Variants in MRTFA observed in about 807,000 individuals in gnomAD.
The protein encoded by MRTFA is myocardin-related transcription factor A.
A neutral mutation model predicts 83.5 loss-of-function variants in MRTFA; 20 were observed. The ratio of observed to expected loss-of-function variants is 0.24; its 90% CI spans 0.17 to 0.35. The LOEUF is 0.35. Among genes scored for constraint, MRTFA ranks in the 10% least tolerant of loss-of-function variants. The probability of loss-of-function intolerance (pLI) is 1.00; values close to 1 mark genes in which losing one functional copy is unlikely to be tolerated. For synonymous variants in MRTFA, 659 were observed against 541.2 expected (o/e 1.22, Z -3.02); for missense variants, 1,200 against 1,224.7 (o/e 0.98, Z 0.30).
intron 4 of MRTFA, among the ~76,000 whole-genome samples, chr22:40,447,736 G>A (rs979238050): frequency 2.6e-5 from 4 of 152,188 alleles, no homozygotes; most frequent in African/African-American, 9.7e-5. Flanking sequence ...CCTCACTTCA[G>A]CTTCTCAGTA....
At chr22:40,570,102 G>A (rs1471545230) in intron 2 of MRTFA, among the ~76,000 whole-genome samples, 3 of 152,100 alleles carry the variant, frequency 2.0e-5, no homozygotes, top group Non-Finnish European at 4.4e-5. Context: ...GGAGGTTGTT[G>A]CCCAATATCC....
In MRTFA at chr22:40,411,238, TTC is replaced by T; in HGVS notation, c.*150_*151del. 2 of 816,484 alleles carry T rather than the reference TTC, an allele frequency of 2.4e-6. No individual in the cohort carries two copies. Among genetic ancestry groups the T allele is most frequent in the Non-Finnish European group, 3.7e-6 (2 of 543,404 alleles). The allele number at this position is 816,484 out of a possible 1,614,324, so 50.6% of individuals were successfully genotyped here. Reference sequence around the variant, plus strand: ...GTGGCACTGAACCAGGAGTAAGGGCTTCTCTGTTCTAGCCTCCCAGGGAAGGG... The same window carrying T: ...GTGGCACTGAACCAGGAGTAAGGGCTTCTGTTCTAGCCTCCCAGGGAAGGG... On this transcript the variant is annotated 3_prime_UTR_variant, in exon 15 of 15. Coordinates refer to ENST00000355630, the MANE Select transcript of MRTFA (RefSeq NM_020831.6).
intron 1 of MRTFA, 139 bp from the exon 2 acceptor site, chr22:40,594,874 T>A (rs2056168451): frequency 1.3e-5 from 2 of 148,568 alleles, no homozygotes; most frequent in Non-Finnish European, 1.5e-5. Context: ...GTGTTAAGAG[T>A]TCTGTCACTG....
chr22:40,542,828 A>T (rs2055311398), intron 3 of MRTFA, among the ~76,000 whole-genome samples: 1 of 152,210 alleles, frequency 6.6e-6, no homozygotes, highest in Non-Finnish European at 1.5e-5. Context: ...GGTCTGTAGT[A>T]TTAGCTCAGT....
intron 3 of MRTFA, chr22:40,522,499 T>C (rs2054887228): frequency 6.6e-6 from 1 of 152,274 alleles, no homozygotes; most frequent in Non-Finnish European, 1.5e-5. Flanking sequence ...GTGTTGGATT[T>C]ACTCTCACTC....
At chr22:40,590,017 G>A (rs1348880107) in intron 2 of MRTFA, among the ~76,000 whole-genome samples, 4 of 141,312 alleles carry the variant, frequency 2.8e-5, no homozygotes, top group South Asian at 2.3e-4. Context: ...GCGAGACTCC[G>A]TCTCGAAAAA....
intron 3 of MRTFA, among the ~76,000 whole-genome samples, chr22:40,541,268 C>G (rs569843383): frequency 6.6e-6 from 1 of 152,220 alleles, no homozygotes; most frequent in Admixed American, 6.5e-5. Context: ...TACACAAAAG[C>G]AACAAATGTA....
intron 12 of MRTFA, 85 bp downstream of exon 12, chr22:40,418,289 G>C: frequency 6.5e-7 from 1 of 1,533,452 alleles, no homozygotes; most frequent in Non-Finnish European, 8.7e-7. Flanking sequence ...CCAGCACGAG[G>C]GGTCCCCTGG....
At chr22:40,602,819 C>T (rs138512644) in intron 1 of MRTFA, among the ~76,000 whole-genome samples, 1 of 152,128 alleles carries the variant, frequency 6.6e-6, no homozygotes, top group Non-Finnish European at 1.5e-5. Context: ...TGCACTCCAG[C>T]CTGGGTGACA....
intron 2 of MRTFA, among the ~76,000 whole-genome samples, chr22:40,582,815 T>G (rs2055969904): frequency 6.6e-6 from 1 of 152,158 alleles, no homozygotes; most frequent in Non-Finnish European, 1.5e-5. Flanking sequence ...AGGTTACAAT[T>G]AAAGTTGCCC....
At chr22:40,535,616 G>C (rs990097479) in intron 3 of MRTFA, among the ~76,000 whole-genome samples, 2 of 152,068 alleles carry the variant, frequency 1.3e-5, no homozygotes, top group Non-Finnish European at 2.9e-5. Context: ...GCTACCCAAA[G>C]TGTTGGGATT....
At chr22:40,539,861 C>G (rs2055258760) in intron 3 of MRTFA, among the ~76,000 whole-genome samples, 1 of 151,264 alleles carries the variant, frequency 6.6e-6, no homozygotes, top group South Asian at 2.1e-4. Context: ...TTATAAATTC[C>G]TTAATATCAG....
At chr22:40,470,461 T>C (rs1312103080) in intron 3 of MRTFA, among the ~76,000 whole-genome samples, 1 of 150,896 alleles carries the variant, frequency 6.6e-6, no homozygotes, top group Admixed American at 6.6e-5. Context: ...AGAGGGAAAC[T>C]CATAGGTTTA....
intron 1 of MRTFA, among the ~76,000 whole-genome samples, chr22:40,612,485 G>A (rs979892645): frequency 1.3e-5 from 2 of 152,158 alleles, no homozygotes; most frequent in African/African-American, 2.4e-5. Context: ...AATTTGGCAC[G>A]CAAACGTTTT....
intron 3 of MRTFA, among the ~76,000 whole-genome samples, chr22:40,520,432 G>A (rs992404126): frequency 2.0e-5 from 3 of 151,382 alleles, no homozygotes; most frequent in African/African-American, 7.3e-5. Context: ...TTTAAGACGA[G>A]TCTCGTTCTG....
intron 1 of MRTFA, among the ~76,000 whole-genome samples, chr22:40,611,390 C>G (rs2056386403): frequency 6.6e-6 from 1 of 151,916 alleles, no homozygotes; most frequent in South Asian, 2.1e-4. Flanking sequence ...GCACTCAAAC[C>G]ACCACATCCA....
At chr22:40,526,394 G>A (rs557198864) in intron 3 of MRTFA, 1 of 152,162 alleles carries the variant, frequency 6.6e-6, no homozygotes, top group Admixed American at 6.5e-5. Context: ...AGGCTACTCA[G>A]GGAAACGTGC....
At chr22:40,426,755 G>C (rs1421461825) in intron 7 of MRTFA, among the ~76,000 whole-genome samples, 1 of 152,116 alleles carries the variant, frequency 6.6e-6, no homozygotes, top group South Asian at 2.1e-4. Context: ...CCTCTGCTGA[G>C]CTCCCACAGC....
In MRTFA at chr22:40,435,466, T is replaced by C. The variant is rs753969965; in HGVS notation, c.363+33A>G. The C allele has an allele frequency of 2.8e-5, 45 of 1,609,236 alleles. 1 individual carries two copies. The highest frequency in any genetic ancestry group is 3.6e-5 in the Non-Finnish European group (42 of 1,175,660). Reference sequence around the variant, plus strand: ...TGCAATGAGCTCTGAAAATGCTCTTTGGGAGTTCTGAGGGGGAAAAAAGGT... The same window carrying C: ...TGCAATGAGCTCTGAAAATGCTCTTCGGGAGTTCTGAGGGGGAAAAAAGGT... On this transcript the variant is annotated intron_variant, in intron 5 of 14. Transcript: ENST00000355630.
Sources: allele counts gnomAD v4.1 joint callset (sites outside exome capture counted in the v4.1 genomes callset), GRCh38; gene constraint gnomAD v4.1.1; transcripts MANE v1.5; gene names NCBI Gene and HGNC (gene_info 2026-07-23, HGNC 2026-07-21).